The following LRP12 variants were observed in gnomAD, a reference collection of about 807,000 sequenced individuals.
LRP12 encodes low-density lipoprotein receptor-related protein 12.
Under a neutral mutation model 66.0 loss-of-function variants are expected in LRP12, and 14 were observed. That is an observed-to-expected ratio of 0.21 (90% CI 0.14 to 0.33). The LOEUF is 0.33. Among genes scored for constraint, LRP12 ranks in the 10% least tolerant of loss-of-function variants. The probability of loss-of-function intolerance (pLI) is 1.00; values close to 1 mark genes in which losing one functional copy is unlikely to be tolerated. For synonymous variants in LRP12, 357 were observed against 359.1 expected, an observed-to-expected ratio of 0.99 and a Z score of 0.07; for missense variants, 889 against 1,053.4, an observed-to-expected ratio of 0.84 and a Z score of 2.16.
intron 6 of LRP12, 59 bp downstream of exon 6, chr8:104,495,018 T>C (rs1441446398): frequency 3.3e-6 from 5 of 1,527,632 alleles, no homozygotes; most frequent in African/African-American, 2.7e-5. Context: ...TTATCATATA[T>C]ACAGGCGCAG....
chr8:104,515,537 G>A (rs967824086), intron 2 of LRP12, among the ~76,000 whole-genome samples: 1 of 152,018 alleles, frequency 6.6e-6, no homozygotes, highest in Non-Finnish European at 1.5e-5. Context: ...AGCTATCTTG[G>A]GAAGGTGCAA....
At chr8:104,573,798 A>T (rs1341667229) in intron 1 of LRP12, among the ~76,000 whole-genome samples, 1 of 151,922 alleles carries the variant, frequency 6.6e-6, no homozygotes, top group Non-Finnish European at 1.5e-5. Context: ...CAGATATGAA[A>T]ATCAAGCAGA....
At position 104,564,352 on chromosome 8, in the gene LRP12, A is replaced by G. The variant is rs546748970; in HGVS notation, c.79+24467T>C. On this transcript the variant is annotated intron_variant, in intron 1 of 6. Coordinates refer to ENST00000276654, the MANE Select transcript of LRP12 (RefSeq NM_013437.5). ...TTCAGCATTTCTAACCAGCTACCAG[A>G]CAGGACCAATGTAGCTGTTTCTATA... Among the ~76,000 whole-genome samples the G allele has an allele frequency of 5.3e-5, 8 of 152,332 alleles. No individual in the cohort carries two copies. In the South Asian group the frequency reaches 1.2e-3, roughly 24 times the overall value.
Position 104,521,983 on chromosome 8 carries a change from A to T in LRP12, c.136+9924T>A, listed in dbSNP as rs557916758. Among the ~76,000 whole-genome samples the T allele has an allele frequency of 9.2e-5, 14 of 152,140 alleles. No individual in the cohort carries two copies. The South Asian group carries it at 2.9e-3, about 31-fold the overall frequency. On this transcript the variant is annotated intron_variant, in intron 2 of 6. Transcript: ENST00000276654. ...TTTTCTATATTTAAAAAATAATTGT[A>T]AACTTCTATCAGAGATAATTACAAT...
At chr8:104,568,630 A>G (rs1024492465) in intron 1 of LRP12, among the ~76,000 whole-genome samples, 2 of 152,146 alleles carry the variant, frequency 1.3e-5, no homozygotes, top group Non-Finnish European at 2.9e-5. Context: ...TTGAATAGAC[A>G]TTTCTTCAGA....
intron 1 of LRP12, among the ~76,000 whole-genome samples, chr8:104,555,062 A>G (rs1402139746): frequency 1.3e-5 from 2 of 152,208 alleles, no homozygotes; most frequent in Admixed American, 6.5e-5. Context: ...TTTTTAGATA[A>G]ACAAATGCTG....
At chr8:104,544,118 G>C (rs1811520202) in intron 1 of LRP12, among the ~76,000 whole-genome samples, 1 of 152,178 alleles carries the variant, frequency 6.6e-6, no homozygotes, top group Non-Finnish European at 1.5e-5. Flanking sequence ...TGTTGATAGA[G>C]AGAAAGTTTT....
intron 2 of LRP12, among the ~76,000 whole-genome samples, chr8:104,520,768 A>C (rs1320110522): frequency 6.6e-6 from 1 of 152,114 alleles, no homozygotes; most frequent in South Asian, 2.1e-4. Flanking sequence ...TGGCTTTTGC[A>C]CAACAGTTTC....
intron 1 of LRP12, among the ~76,000 whole-genome samples, chr8:104,540,778 G>T (rs1222485913): frequency 1.3e-5 from 2 of 152,202 alleles, no homozygotes; most frequent in East Asian, 1.9e-4. Flanking sequence ...TCTGTCGCTA[G>T]GCTAGAGTGC....
intron 5 of LRP12, 68 bp downstream of exon 5, chr8:104,496,904 C>T (rs1810737376): frequency 7.2e-7 from 1 of 1,397,992 alleles, no homozygotes; most frequent in Non-Finnish European, 9.4e-7. Flanking sequence ...TGCTAATCAT[C>T]AAAGAACTTG....
chr8:104,547,334 TA>T (rs1408655422), intron 1 of LRP12, among the ~76,000 whole-genome samples: 1 of 135,816 alleles, frequency 7.4e-6, no homozygotes, highest in Non-Finnish European at 1.5e-5. Context: ...ATTTTGTATA[TA>T]ATATACAATT....
chr8:104,525,737 C>A (rs1236582409), intron 2 of LRP12, among the ~76,000 whole-genome samples: 2 of 152,032 alleles, frequency 1.3e-5, no homozygotes, highest in Non-Finnish European at 2.9e-5. Context: ...ACTGAATGGG[C>A]AAAAACTGGA....
rs1810582291 is a variant in LRP12, at chr8:104,489,461, T to C, written c.*1212A>G. 6.6e-6 allele frequency: 1 copy of C among 152,398 alleles called. No individual in the cohort carries two copies. Among genetic ancestry groups the C allele is most frequent in the Non-Finnish European group, 1.5e-5 (1 of 67,946 alleles). 9.4% of individuals were successfully genotyped at this position (152,398 alleles called of 1,614,324 possible). Reference sequence around the variant, plus strand: ...ACTACTAAAACAGACAGTTAAAGAATAAATAAACCGCAACTGACAGTAAAA... The same window carrying C: ...ACTACTAAAACAGACAGTTAAAGAACAAATAAACCGCAACTGACAGTAAAA... On this transcript the variant is annotated 3_prime_UTR_variant, in exon 7 of 7. Coordinates refer to ENST00000276654, the MANE Select transcript of LRP12 (RefSeq NM_013437.5).
chr8:104,541,638 T>C (rs1298015707), intron 1 of LRP12, among the ~76,000 whole-genome samples: 1 of 152,182 alleles, frequency 6.6e-6, no homozygotes, highest in Non-Finnish European at 1.5e-5. Flanking sequence ...AAAAACTTTG[T>C]ACCTATCAGC....
chr8:104,533,475 C>T (rs1424289360), intron 1 of LRP12, among the ~76,000 whole-genome samples: 1 of 152,058 alleles, frequency 6.6e-6, no homozygotes, highest in East Asian at 1.9e-4. Context: ...GACTCAGGCT[C>T]ATTCCAGATT....
At chr8:104,584,564 C>G (rs1486375593) in intron 1 of LRP12, among the ~76,000 whole-genome samples, 1 of 152,082 alleles carries the variant, frequency 6.6e-6, no homozygotes, top group African/African-American at 2.4e-5. Context: ...ATTTTACTTT[C>G]TAGGAACCTT....
intron 1 of LRP12, among the ~76,000 whole-genome samples, chr8:104,546,979 TAC>T (rs1455267322): frequency 6.9e-6 from 1 of 145,260 alleles, no homozygotes; most frequent in East Asian, 2.0e-4. Context: ...TATAATTCTA[TAC>T]ATTTTGTATA....
In LRP12 at chr8:104,497,326, T is replaced by C. The variant is rs201617239; in HGVS notation, c.1226A>G (p.Asn409Ser). The C allele has an allele frequency of 9.3e-6, 15 of 1,614,042 alleles. No individual in the cohort carries two copies. The East Asian group carries it at 1.1e-4, about 12-fold the overall frequency. The change falls in exon 5 of 7, where the codon AAT (asparagine) becomes AGT (serine). Residue 409 changes from asparagine (N) to serine (S), a missense_variant. Physicochemically the swap from Asn to Ser is conservative, Grantham distance 46. Around this residue, in one of 3 missense-constraint regions of LRP12, gnomAD observed 800 missense variants for 964.5 expected, o/e 0.83. Coordinates refer to ENST00000276654, the MANE Select transcript of LRP12 (RefSeq NM_013437.5). The surrounding 1 kb of genome is among the most constrained non-coding windows in gnomAD (Gnocchi z 4.3). ...WHCPNGRDET[N>S]CTMCQKEEFP... ...TTCTTCCTTCTGGCACATGGTACAA[T>C]TGGTTTCATCCCTTCCATTTGGGCA...
chr8:104,573,439 T>C (rs147621167), intron 1 of LRP12, among the ~76,000 whole-genome samples: 1 of 152,170 alleles, frequency 6.6e-6, no homozygotes, highest in African/African-American at 2.4e-5. Flanking sequence ...CTAATGGAAC[T>C]GATCTATCTC....
Sources: gnomAD v4.1 joint callset for allele counts (sites outside exome capture counted in the v4.1 genomes callset) on GRCh38, gnomAD v4.1.1 for gene constraint, gnomAD v4.1.1 regional missense constraint, Gnocchi (gnomAD v3.1) non-coding constraint, MANE v1.5 for transcripts, NCBI Gene and HGNC (gene_info 2026-07-23, HGNC 2026-07-21) for gene names.